The following TSC2 variants were observed in gnomAD, a reference collection of about 807,000 sequenced individuals.
The protein encoded by TSC2 is tuberin.
TSC2 carries 29 observed loss-of-function variants against 202.2 expected under a neutral mutation model. That is an observed-to-expected ratio of 0.14 (90% CI 0.11 to 0.20). The LOEUF (loss-of-function observed/expected upper bound fraction) is 0.20, where lower values mean the gene tolerates loss of function less well. Among genes scored for constraint, TSC2 ranks in the 10% least tolerant of loss-of-function variants. TSC2 has a pLI of 1.00. For missense variants in TSC2, 2,429 were observed against 2,420.0 expected (o/e 1.00, Z -0.08); for synonymous variants, 1,349 against 1,044.0 (o/e 1.29, Z -5.63).
chr16:2,070,032 C>T (rs915872077), intron 16 of TSC2, among the ~76,000 whole-genome samples: 4 of 152,304 alleles, frequency 2.6e-5, no homozygotes, highest in South Asian at 2.1e-4. Context: ...GCCAGATTTC[C>T]CCTGGCTCCT....
In TSC2 at chr16:2,076,063, C is replaced by G. The variant is rs753781434; in HGVS notation, c.2640-5C>G. On this transcript the variant is annotated splice_polypyrimidine_tract_variant and splice_region_variant and intron_variant, in intron 23 of 41. Transcript: ENST00000219476. The stretch of plus-strand genomic sequence containing the variant: ...GATGGAGTGCCAGCCCCCTTCTCAT[C>G]TCAGGTTTAATCAGTACATCGTGTG... 6.2e-7 allele frequency: 1 copy of G among 1,613,970 alleles called. No individual in the cohort carries two copies. Among genetic ancestry groups the G allele is most frequent in the Non-Finnish European group, 8.5e-7 (1 of 1,180,046 alleles).
chr16:2,063,455 C>A (rs1006704137), intron 14 of TSC2: 1 of 329,310 alleles, frequency 3.0e-6, no homozygotes, highest in Non-Finnish European at 5.8e-6. Context: ...CTCTCCTCTG[C>A]GGGCTCTCCC....
intron 23 of TSC2, 47 bp downstream of exon 23, chr16:2,075,939 T>G (rs1328780104): frequency 1.2e-6 from 2 of 1,612,398 alleles, no homozygotes; most frequent in South Asian, 1.1e-5. Context: ...TGGCCCCCGC[T>G]AGGCCTTGCG....
chr16:2,066,346 C>G (rs1334178888), intron 16 of TSC2: 2 of 152,698 alleles, frequency 1.3e-5, no homozygotes, highest in Admixed American at 1.3e-4. Context: ...TGGTGCTCCC[C>G]TCCTTTTCAT....
chr16:2,064,053 C>G, intron 14 of TSC2: 1 of 694,672 alleles, frequency 1.4e-6, no homozygotes, highest in South Asian at 1.6e-5. Flanking sequence ...CCCTGCGGTG[C>G]TCACCAGCCT....
chr16:2,056,868 G>A (rs1387195530), intron 8 of TSC2, 99 bp downstream of exon 8: 1 of 1,573,394 alleles, frequency 6.4e-7, no homozygotes, highest in Non-Finnish European at 8.6e-7. Context: ...TCTTGGGGTG[G>A]CCAGACAATG....
At chr16:2,071,306 G>A in intron 17 of TSC2, 1 of 633,908 alleles carries the variant, frequency 1.6e-6, no homozygotes, top group Admixed American at 2.3e-5. Flanking sequence ...TCCGAGGCAA[G>A]GGAGGGAGGA....
rs576825964 is a variant in TSC2, at chr16:2,071,647, G to T, written c.1946+31G>T. 3 of 1,612,228 alleles carry T rather than the reference G, an allele frequency of 1.9e-6. No homozygotes were observed. The East Asian group carries it at 6.7e-5, about 36-fold the overall frequency. On this transcript the variant is annotated intron_variant, in intron 18 of 41. Transcript: ENST00000219476. ...CGGGACCTCGCCCACGGCCCATGAG[G>T]CTCAGGGCGTCAGAGGCGCTGGGGC...
At chr16:2,080,462 C>A in intron 30 of TSC2, 85 bp downstream of exon 30, 1 of 1,510,368 alleles carries the variant, frequency 6.6e-7, no homozygotes, top group South Asian at 1.2e-5. Flanking sequence ...GCAGACTTGG[C>A]CCTCTTGGGA....
intron 30 of TSC2, chr16:2,081,303 C>T: frequency 2.1e-6 from 1 of 478,058 alleles, no homozygotes; most frequent in Non-Finnish European, 3.9e-6. Context: ...CTGAGGGGTG[C>T]AAAGAGTAGG....
At chr16:2,080,763 C>T (rs565173445) in intron 30 of TSC2, 14 of 248,132 alleles carry the variant, frequency 5.6e-5, no homozygotes, top group East Asian at 1.0e-4. Context: ...GGATTACAGG[C>T]GTGAGCCACC....
At position 2,088,881 on chromosome 16, in the gene TSC2, G is replaced by GCGCGCACACACACA. The variant is rs142285430; in HGVS notation, c.*272_*273insGCGCACACACACAC. The GCGCGCACACACACA allele has an allele frequency of 1.1e-4, 45 of 421,482 alleles. No individual in the cohort carries two copies. Among genetic ancestry groups the GCGCGCACACACACA allele is most frequent in the African/African-American group, 8.7e-4 (39 of 44,684 alleles). The allele number at this position is 421,482 out of a possible 1,614,324, so 26.1% of individuals were successfully genotyped here. On this transcript the variant is annotated 3_prime_UTR_variant, in exon 42 of 42. Transcript: ENST00000219476. ...ACAGCACACTCGCGCGTGCGCGCGC[G>GCGCGCACACACACA]CACACACACACACACACAGTCACCT... is the stretch of plus-strand genomic sequence containing the variant.
At position 2,070,461 on chromosome 16, in the gene TSC2, G is replaced by T; in HGVS notation, c.1722G>T (p.Lys574Asn). ...GCTGCGTCCTCTCTCTGCAGACCAAGCTGTACACCCTGCCTGCAAGCCACG... is the reference window on the plus strand; with the variant it reads ...GCTGCGTCCTCTCTCTGCAGACCAATCTGTACACCCTGCCTGCAAGCCACG... ...VLGLLVILQT[K>N]LYTLPASHAT... The change falls in exon 17 of 42, where the codon AAG (lysine) becomes AAT (asparagine). Residue 574 changes from lysine (K) to asparagine (N), a missense_variant. Physicochemically the swap from Lys to Asn is moderately conservative, Grantham distance 94 (BLOSUM62 0). Transcript: ENST00000219476. The T allele has an allele frequency of 6.2e-7, 1 of 1,613,404 alleles. No homozygotes were observed. Among genetic ancestry groups the T allele is most frequent in the Non-Finnish European group, 8.5e-7 (1 of 1,180,034 alleles).
intron 38 of TSC2, among the ~76,000 whole-genome samples, 173 bp from the exon 39 acceptor site, chr16:2,087,690 G>A (rs1269828517): frequency 6.6e-6 from 1 of 152,208 alleles, no homozygotes; most frequent in Non-Finnish European, 1.5e-5. Flanking sequence ...ATGTGGAGGG[G>A]GCTTGGCCTG....
chr16:2,087,281 G>A (rs111933007), intron 38 of TSC2: 7 of 355,588 alleles, frequency 2.0e-5, no homozygotes, highest in African/African-American at 1.5e-4. Context: ...GGGTCGGCCA[G>A]TGTCACAGCA....
At chr16:2,071,398 TG>T in intron 17 of TSC2, 111 bp from the exon 18 acceptor site, 1 of 1,011,300 alleles carries the variant, frequency 9.9e-7, no homozygotes, top group African/African-American at 1.6e-5. Context: ...CATCAGCAGG[TG>T]GCCTTTTCTG....
Position 2,063,035 on chromosome 16 carries a change from C to G in TSC2, c.1425C>G (p.Ile475Met), listed in dbSNP as rs1596307430. Reference sequence around the variant, plus strand: ...ACGTGCTGTCCTTTGTGCTGCTCATCAACAGGCAGTTCTATGAGGTGCGTG... The same window carrying G: ...ACGTGCTGTCCTTTGTGCTGCTCATGAACAGGCAGTTCTATGAGGTGCGTG... ...VLDVLSFVLL[I>M]NRQFYEEELI... Residue 475 changes from isoleucine to methionine, a missense_variant, in exon 14 of 42, where the codon ATC (isoleucine) becomes ATG (methionine). By Grantham distance (10) the Ile-to-Met change is conservative. Transcript: ENST00000219476. 6.4e-7 allele frequency: 1 copy of G among 1,551,428 alleles called. No individual in the cohort carries two copies. Among genetic ancestry groups the G allele is most frequent in the African/African-American group, 1.4e-5 (1 of 73,048 alleles).
At chr16:2,071,449 C>G in intron 17 of TSC2, 61 bp from the exon 18 acceptor site, 1 of 1,587,930 alleles carries the variant, frequency 6.3e-7, no homozygotes, top group Admixed American at 1.7e-5. Flanking sequence ...GCAGGTGGGA[C>G]GCCGCCTGTC....
rs1319228287 is a variant in TSC2 at position 2,056,118 on chromosome 16, A to G, written c.600-78A>G. ...GAGCCATGCGTGTTATTGACGTCAT[A>G]GAGTGACTAGACCACAGCCCGTGGT... On this transcript the variant is annotated intron_variant, in intron 6 of 41. Coordinates refer to ENST00000219476, the MANE Select transcript of TSC2 (RefSeq NM_000548.5). 2.5e-6 allele frequency: 4 copies of G among 1,587,192 alleles called. No homozygotes were observed. The African/African-American group carries it at 4.0e-5, about 16-fold the overall frequency.
Sources: gnomAD v4.1 joint callset for allele counts (sites outside exome capture counted in the v4.1 genomes callset) on GRCh38, gnomAD v4.1.1 for gene constraint, MANE v1.5 for transcripts, NCBI Gene and HGNC (gene_info 2026-07-23, HGNC 2026-07-21) for gene names.